Variants in SPIN1 observed in about 807,000 individuals in gnomAD.
SPIN1 encodes spindlin-1.
Under a neutral mutation model 26.0 loss-of-function variants are expected in SPIN1, and 3 were observed. The ratio of observed to expected loss-of-function variants is 0.12; its 90% confidence interval spans 0.05 to 0.30. The LOEUF (loss-of-function observed/expected upper bound fraction) is 0.30. SPIN1 is among the 10% of genes least tolerant of loss of function. The probability of loss-of-function intolerance (pLI) is 1.00; values close to 1 mark genes in which losing one functional copy is unlikely to be tolerated. For missense variants in SPIN1, 126 were observed against 333.4 expected (o/e 0.38, Z 4.84); for synonymous variants, 101 against 116.5 (o/e 0.87, Z 0.86).
At chr9:88,472,747 G>T (rs1340798475) in intron 5 of SPIN1, among the ~76,000 whole-genome samples, 1 of 152,092 alleles carries the variant, frequency 6.6e-6, no homozygotes, top group Non-Finnish European at 1.5e-5. Context: ...CCTTGGCCTC[G>T]CAAAGTGCTG....
chr9:88,468,330 G>A lies in SPIN1; in HGVS notation c.356-42G>A, dbSNP rs1284856507. On this transcript the variant is annotated intron_variant, in intron 4 of 5. Coordinates refer to ENST00000375859, the MANE Select transcript of SPIN1 (RefSeq NM_006717.3). ...TCAGTCTTCATAGTCGGTAATCAGC[G>A]AAACACTTTGTCAACTTTTTTTTTT... 36 of 1,431,026 alleles carry A rather than the reference G, an allele frequency of 2.5e-5. No individual in the cohort carries two copies. The East Asian group carries it at 2.9e-4, about 12-fold the overall frequency. The allele number at this position is 1,431,026 out of a possible 1,614,324, so 88.6% of individuals were successfully genotyped here. A position where few individuals can be genotyped will look rare whatever the true frequency, so the allele number is the denominator to read the frequency against.
chr9:88,403,211 C>T (rs897092390), intron 1 of SPIN1, among the ~76,000 whole-genome samples: 4 of 152,156 alleles, frequency 2.6e-5, no homozygotes, highest in Admixed American at 2.0e-4. Flanking sequence ...ATGGTTTGCA[C>T]ATATCATTTC....
At chr9:88,463,741 T>G (rs1013558842) in intron 4 of SPIN1, among the ~76,000 whole-genome samples, 3 of 152,244 alleles carry the variant, frequency 2.0e-5, no homozygotes, top group Non-Finnish European at 2.9e-5. Flanking sequence ...CAAAGAAATC[T>G]TTCTTTAAAT....
At chr9:88,419,309 C>T (rs1184741008) in intron 1 of SPIN1, among the ~76,000 whole-genome samples, 6 of 152,184 alleles carry the variant, frequency 3.9e-5, no homozygotes, top group East Asian at 3.9e-4. Context: ...CCACTCACCC[C>T]GTCACTCTCT....
chr9:88,405,194 C>G (rs1827269870), intron 1 of SPIN1, among the ~76,000 whole-genome samples: 1 of 152,096 alleles, frequency 6.6e-6, no homozygotes, highest in Admixed American at 6.6e-5. Context: ...TGTTTATTAT[C>G]AAGTACAATG....
intron 3 of SPIN1, among the ~76,000 whole-genome samples, chr9:88,460,819 CA>C (rs927130139): frequency 6.6e-6 from 1 of 152,222 alleles, no homozygotes; most frequent in Non-Finnish European, 1.5e-5. Context: ...TGCACAGACA[CA>C]CCCACGAACA....
At chr9:88,395,139 T>G (rs529512789) in intron 1 of SPIN1, among the ~76,000 whole-genome samples, 1 of 152,120 alleles carries the variant, frequency 6.6e-6, no homozygotes, top group South Asian at 2.1e-4. Context: ...TGTAGAACAT[T>G]TATGTGAACA....
intron 2 of SPIN1, among the ~76,000 whole-genome samples, chr9:88,427,466 A>G (rs1827784820): frequency 1.3e-5 from 2 of 152,172 alleles, no homozygotes; most frequent in Non-Finnish European, 2.9e-5. Context: ...GTTGGTGATG[A>G]CTGAAGTTTA....
At chr9:88,414,336 C>T (rs900749674) in intron 1 of SPIN1, among the ~76,000 whole-genome samples, 5 of 152,188 alleles carry the variant, frequency 3.3e-5, no homozygotes, top group African/African-American at 9.6e-5. Flanking sequence ...GTTTGGCCAG[C>T]CCCCCACCTC....
At chr9:88,424,086 T>C (rs975516673) in intron 1 of SPIN1, among the ~76,000 whole-genome samples, 1 of 152,146 alleles carries the variant, frequency 6.6e-6, no homozygotes, top group African/African-American at 2.4e-5. Flanking sequence ...GTGTGTTGTA[T>C]GTTGATGGGA....
chr9:88,430,245 A>C (rs11142295), intron 2 of SPIN1, among the ~76,000 whole-genome samples: 11 of 152,154 alleles, frequency 7.2e-5, no homozygotes, highest in Admixed American at 6.5e-4. Flanking sequence ...CTTCACTCAC[A>C]TGGGCTGATA....
intron 2 of SPIN1, among the ~76,000 whole-genome samples, chr9:88,447,419 A>C (rs146924521): frequency 6.6e-6 from 1 of 152,118 alleles, no homozygotes. Flanking sequence ...TGAACATTTG[A>C]AACCTTGTGT....
intron 1 of SPIN1, among the ~76,000 whole-genome samples, chr9:88,414,610 T>TCTAG (rs1827522856): frequency 6.6e-6 from 1 of 152,158 alleles, no homozygotes; most frequent in Non-Finnish European, 1.5e-5. Flanking sequence ...TGGTGGCAAA[T>TCTAG]CTAGTCAAGT....
chr9:88,397,734 T>C (rs1384659093), intron 1 of SPIN1, among the ~76,000 whole-genome samples: 1 of 151,754 alleles, frequency 6.6e-6, no homozygotes, highest in African/African-American at 2.4e-5. Context: ...CAATTCTCAC[T>C]CCTCAGTCTC....
intron 2 of SPIN1, among the ~76,000 whole-genome samples, chr9:88,432,748 A>C (rs1827907323): frequency 6.6e-6 from 1 of 151,418 alleles, no homozygotes; most frequent in South Asian, 2.1e-4. Context: ...TGACCTTCCA[A>C]AGTGTTGGGA....
intron 1 of SPIN1, among the ~76,000 whole-genome samples, chr9:88,398,266 AT>A (rs1288685734): frequency 6.6e-6 from 1 of 151,702 alleles, no homozygotes; most frequent in Non-Finnish European, 1.5e-5. Flanking sequence ...AAGTTCTTGA[AT>A]TTTTTTGACT....
chr9:88,413,831 T>G (rs1827505467), intron 1 of SPIN1, among the ~76,000 whole-genome samples: 1 of 152,186 alleles, frequency 6.6e-6, no homozygotes, highest in African/African-American at 2.4e-5. Context: ...TTCGATACAG[T>G]TCGACTTAGA....
chr9:88,391,432 C>T (rs573166688), intron 1 of SPIN1: 2 of 162,026 alleles, frequency 1.2e-5, no homozygotes, highest in Non-Finnish European at 2.8e-5. Flanking sequence ...ATAACAGAAA[C>T]TGCAGCCACA....
chr9:88,396,828 C>A (rs984580364), intron 1 of SPIN1, among the ~76,000 whole-genome samples: 1 of 152,098 alleles, frequency 6.6e-6, no homozygotes, highest in Non-Finnish European at 1.5e-5. Context: ...GCTTAATGCT[C>A]CTAGGCTACA....
Sources: gnomAD v4.1 joint callset for allele counts (sites outside exome capture counted in the v4.1 genomes callset) on GRCh38, gnomAD v4.1.1 for gene constraint, MANE v1.5 for transcripts, NCBI Gene and HGNC (gene_info 2026-07-23, HGNC 2026-07-21) for gene names.